AVL9: variants seen among roughly 807,000 people sequenced by gnomAD.
AVL9 encodes late secretory pathway protein AVL9 homolog.
AVL9 carries 49 observed loss-of-function variants against 79.2 expected under a neutral mutation model. The observed-to-expected ratio is 0.62, with a 90% confidence interval of 0.49 to 0.79. The LOEUF (loss-of-function observed/expected upper bound fraction) is 0.79. Among genes scored for constraint, AVL9 ranks in the 30% least tolerant of loss-of-function variants. AVL9 has a pLI of 0.00. For synonymous variants in AVL9, 299 were observed against 280.6 expected (o/e 1.07, Z -0.65); for missense variants, 682 against 776.8 (o/e 0.88, Z 1.45).
chr7:32,583,459 A>G (rs1275329831), intron 15 of AVL9, among the ~76,000 whole-genome samples: 1 of 152,154 alleles, frequency 6.6e-6, no homozygotes, highest in African/African-American at 2.4e-5. Context: ...ACACTTTGGG[A>G]GGCTGAGGCA....
Position 32,553,765 on chromosome 7 carries a change from A to C in AVL9, c.568A>C (p.Lys190Gln). ...PRDLVLHFRH[K>Q]VLILFKLILL... ...AGATCTTGTCCTTCATTTTCGACAC[A>C]AGGTATGGTACCTTATTTAAATAAA... is the stretch of plus-strand genomic sequence containing the variant. Residue 190 changes from lysine to glutamine, a missense_variant and splice_region_variant, in exon 7 of 16, where the codon AAG (lysine) becomes CAG (glutamine). By Grantham distance (53) the Lys-to-Gln change is moderately conservative. Coordinates refer to ENST00000318709, the MANE Select transcript of AVL9 (RefSeq NM_015060.3). 1 of 1,608,514 alleles carries C rather than the reference A, an allele frequency of 6.2e-7. No homozygotes were observed. Among genetic ancestry groups the C allele is most frequent in the Non-Finnish European group, 8.5e-7 (1 of 1,175,618 alleles).
rs1790237958 is a variant in AVL9 at position 32,559,437 on chromosome 7, T to G, written c.1188T>G (p.Tyr396Ter). The change falls in exon 10 of 16, where the codon TAT becomes TAG. Residue 396 changes from tyrosine (Y) to a stop codon, truncating the protein, a stop_gained. Transcript: ENST00000318709. LOFTEE classifies it high-confidence loss of function. ...GLISGLEEDQ[Y>*]GMPLAIFTKG... Reference sequence around the variant, plus strand: ...TTTCGGGTTTGGAAGAGGATCAGTATGGCATGCCCCTGGCCATCTTCACAA... The same window carrying G: ...TTTCGGGTTTGGAAGAGGATCAGTAGGGCATGCCCCTGGCCATCTTCACAA... 6.3e-7 allele frequency: 1 copy of G among 1,579,554 alleles called. No homozygotes were observed. Among genetic ancestry groups the G allele is most frequent in the Non-Finnish European group, 8.6e-7 (1 of 1,164,826 alleles).
chr7:32,549,757 T>TA (rs1217299251), intron 4 of AVL9, among the ~76,000 whole-genome samples: 303 of 100,548 alleles, frequency 3.0e-3, no homozygotes, highest in Middle Eastern at 0.011. Context: ...TACTAAAAAT[T>TA]AAAAAAAAAA....
chr7:32,530,593 C>A (rs1172795124), intron 1 of AVL9, among the ~76,000 whole-genome samples: 1 of 152,112 alleles, frequency 6.6e-6, no homozygotes, highest in Non-Finnish European at 1.5e-5. Flanking sequence ...AGAAATATTT[C>A]TTTTAAACAA....
At chr7:32,576,549 C>T (rs972103913) in intron 13 of AVL9, among the ~76,000 whole-genome samples, 1 of 151,670 alleles carries the variant, frequency 6.6e-6, no homozygotes, top group South Asian at 2.1e-4. Flanking sequence ...TTTGGGAGGC[C>T]GAGGTGGGCA....
rs769781987 is a variant in AVL9, at chr7:32,559,472, G to A, written c.1215+8G>A. Reference sequence around the variant, plus strand: ...CTGGCCATCTTCACAAAGGTAAAGTGTAATATTTTTTATCGAATTCCTTAA... The same window carrying A: ...CTGGCCATCTTCACAAAGGTAAAGTATAATATTTTTTATCGAATTCCTTAA... On this transcript the variant is annotated splice_region_variant and intron_variant, in intron 10 of 15. Transcript: ENST00000318709. 245 of 1,507,020 alleles carry A rather than the reference G, an allele frequency of 1.6e-4. 2 individuals carry two copies. In the South Asian group the frequency reaches 3.0e-3, roughly 18 times the overall value. 93.4% of individuals were successfully genotyped at this position (1,507,020 alleles called of 1,614,324 possible).
intron 1 of AVL9, among the ~76,000 whole-genome samples, chr7:32,529,781 G>T (rs1054043411): frequency 6.6e-6 from 1 of 152,184 alleles, no homozygotes. Flanking sequence ...TTACATATGT[G>T]TATGTAACAA....
rs193153129 is a variant in AVL9, at chr7:32,517,841, T to G, written c.93+22039T>G. On this transcript the variant is annotated intron_variant, in intron 1 of 15. Transcript: ENST00000318709. ...TTTTTTGTTTGTTTGTTTTGTTTTGTTTTTTTTTGAAACATAGTCTTGCTT... is the reference window on the plus strand; with the variant it reads ...TTTTTTGTTTGTTTGTTTTGTTTTGGTTTTTTTTGAAACATAGTCTTGCTT... Among the ~76,000 whole-genome samples the G allele has an allele frequency of 2.5e-3, 355 of 143,752 alleles. 1 individual carries two copies. Among genetic ancestry groups the G allele is most frequent in the African/African-American group, 7.9e-3 (272 of 34,370 alleles). 94.3% of individuals were successfully genotyped at this position (143,752 alleles called of 152,430 possible). A position where few individuals can be genotyped will look rare whatever the true frequency, so the allele number is the denominator to read the frequency against.
chr7:32,566,180 A>ATCTTTTTCTTTTTTTTT (rs70992731), intron 10 of AVL9, among the ~76,000 whole-genome samples: 3 of 93,878 alleles, frequency 3.2e-5, no homozygotes, highest in African/African-American at 1.2e-4. Flanking sequence ...TATTATTATT[A>ATCTTTTTCTTTTTTTTT]TTTTTTTTTT....
At chr7:32,497,406 CTG>C (rs1229060180) in intron 1 of AVL9, among the ~76,000 whole-genome samples, 16 of 152,182 alleles carry the variant, frequency 1.1e-4, no homozygotes, top group African/African-American at 3.9e-4. Flanking sequence ...GGTCTAGAAT[CTG>C]TTCTTTATAA....
At chr7:32,549,956 A>ATGGCAAAAAAGAAAAGGAT (rs1789735298) in intron 4 of AVL9, among the ~76,000 whole-genome samples, 3 of 152,020 alleles carry the variant, frequency 2.0e-5, no homozygotes, top group Non-Finnish European at 4.4e-5. Context: ...AAGAAAAGGA[A>ATGGCAAAAAAGAAAAGGAT]TGGCTATTAT....
intron 10 of AVL9, among the ~76,000 whole-genome samples, chr7:32,569,472 C>T (rs1790726765): frequency 6.6e-6 from 1 of 152,180 alleles, no homozygotes; most frequent in Non-Finnish European, 1.5e-5. Context: ...ATTAAATACA[C>T]AGATACTACC....
intron 1 of AVL9, among the ~76,000 whole-genome samples, chr7:32,506,373 T>TAC (rs1787414360): frequency 6.6e-6 from 1 of 152,194 alleles, no homozygotes; most frequent in South Asian, 2.1e-4. Flanking sequence ...AGCATCTTGA[T>TAC]ACTGCTGCAG....
At chr7:32,510,868 G>A (rs1251876167) in intron 1 of AVL9, among the ~76,000 whole-genome samples, 2 of 136,002 alleles carry the variant, frequency 1.5e-5, no homozygotes, top group Non-Finnish European at 3.2e-5. Context: ...ATCAGGTCTC[G>A]TTGGGAGAAT....
intron 13 of AVL9, among the ~76,000 whole-genome samples, chr7:32,576,584 GAC>G (rs1193450240): frequency 6.6e-6 from 1 of 151,998 alleles, no homozygotes; most frequent in Non-Finnish European, 1.5e-5. Flanking sequence ...GGGAGTTCAA[GAC>G]CAGCCTGGCC....
intron 10 of AVL9, among the ~76,000 whole-genome samples, chr7:32,566,177 A>ATCTTTTTTTTTTT (rs1562792852): frequency 7.9e-6 from 1 of 127,302 alleles, no homozygotes; most frequent in African/African-American, 2.9e-5. Flanking sequence ...AATTATTATT[A>ATCTTTTTTTTTTT]TTATTTTTTT....
intron 8 of AVL9, among the ~76,000 whole-genome samples, chr7:32,555,246 G>C (rs530906854): frequency 6.6e-6 from 1 of 152,300 alleles, no homozygotes; most frequent in East Asian, 1.9e-4. Flanking sequence ...GGGAGGCTGA[G>C]GTAAGAGGAT....
chr7:32,509,710 G>A (rs913224085), intron 1 of AVL9, among the ~76,000 whole-genome samples: 5 of 152,090 alleles, frequency 3.3e-5, no homozygotes, highest in Admixed American at 3.3e-4. Context: ...AATTAGCCAG[G>A]CGTGGTGGCG....
intron 1 of AVL9, chr7:32,536,251 T>C (rs919839581): frequency 7.2e-5 from 11 of 152,244 alleles, no homozygotes; most frequent in African/African-American, 1.9e-4. Flanking sequence ...TCTGTGGTTC[T>C]CCCTGGAGCT....
Sources: allele counts gnomAD v4.1 joint callset (sites outside exome capture counted in the v4.1 genomes callset), GRCh38; gene constraint gnomAD v4.1.1; transcripts MANE v1.5; gene names NCBI Gene and HGNC (gene_info 2026-07-23, HGNC 2026-07-21).